The following ESR1 variants were observed in gnomAD, a reference collection of about 807,000 sequenced individuals.
The protein encoded by ESR1 is estrogen receptor 1.
Under a neutral mutation model 52.7 loss-of-function variants are expected in ESR1, and 12 were observed. That is an observed-to-expected ratio of 0.23 (90% CI 0.15 to 0.37). The LOEUF (loss-of-function observed/expected upper bound fraction) is 0.37. Among genes scored for constraint, ESR1 ranks in the 10% least tolerant of loss-of-function variants. The probability of loss-of-function intolerance (pLI) is 1.00; values close to 1 mark genes in which losing one functional copy is unlikely to be tolerated. For missense variants in ESR1, 584 were observed against 779.7 expected, an observed-to-expected ratio of 0.75 and a Z score of 2.99; for synonymous variants, 305 against 316.8, an observed-to-expected ratio of 0.96 and a Z score of 0.39.
intron 1 of ESR1, among the ~76,000 whole-genome samples, chr6:151,836,515 A>G (rs1783355775): frequency 6.6e-6 from 1 of 152,212 alleles, no homozygotes. Flanking sequence ...CCCAGGACAC[A>G]TGGAATTATG....
At chr6:152,064,140 C>T (rs1158423043) in intron 6 of ESR1, among the ~76,000 whole-genome samples, 1 of 152,232 alleles carries the variant, frequency 6.6e-6, no homozygotes, top group Non-Finnish European at 1.5e-5. Flanking sequence ...TTCCACTCCA[C>T]ACCAAAGGAC....
intron 4 of ESR1, among the ~76,000 whole-genome samples, chr6:151,993,156 T>G (rs757902473): frequency 7.9e-5 from 12 of 152,196 alleles, no homozygotes; most frequent in Non-Finnish European, 1.3e-4. Flanking sequence ...TTAGGCCATC[T>G]GGTTCTTCTG....
At chr6:151,824,322 G>GT (rs1288632351) in intron 1 of ESR1, among the ~76,000 whole-genome samples, 1 of 151,850 alleles carries the variant, frequency 6.6e-6, no homozygotes, top group African/African-American at 2.4e-5. Flanking sequence ...TGGGGTTGTT[G>GT]TTTTTTTTCT....
chr6:152,038,295 G>A (rs542303372), intron 5 of ESR1, among the ~76,000 whole-genome samples: 8 of 152,260 alleles, frequency 5.3e-5, no homozygotes, highest in African/African-American at 1.2e-4. Context: ...CATGGTGCCC[G>A]CCCAGATTGA....
chr6:151,791,328 C>T (rs532215552), intron 2 of ESR1, among the ~76,000 whole-genome samples: 275 of 152,268 alleles, frequency 1.8e-3, no homozygotes, highest in African/African-American at 6.4e-3. Flanking sequence ...GAATAAGTCT[C>T]ACGAGATCTG....
intron 4 of ESR1, among the ~76,000 whole-genome samples, chr6:151,973,984 CT>C (rs1275680822): frequency 6.6e-6 from 1 of 152,136 alleles, no homozygotes; most frequent in African/African-American, 2.4e-5. Context: ...GTATTTTAGC[CT>C]TTGTGAGTAT....
chr6:151,674,642 C>A (rs1268497458), intron 1 of ESR1, among the ~76,000 whole-genome samples: 2 of 152,210 alleles, frequency 1.3e-5, no homozygotes. Context: ...TACACTCCCA[C>A]CAACAGTATA....
intron 1 of ESR1, among the ~76,000 whole-genome samples, chr6:151,671,067 C>T (rs112067753): frequency 3.3e-5 from 5 of 152,084 alleles, no homozygotes; most frequent in South Asian, 4.2e-4. Flanking sequence ...TGCACCTGGC[C>T]GGAAGACAGA....
At position 152,094,268 on chromosome 6, in the gene ESR1, T is replaced by C. The variant is rs189426279; in HGVS notation, c.1370-117T>C. On this transcript the variant is annotated intron_variant, in intron 6 of 7. Transcript: ENST00000206249. This position sits in a 1 kb window ranked among gnomAD's most constrained non-coding sequence, Gnocchi z 4.6. ...AATGGGTCCAGAGCATCCCCATTGC[T>C]AGACTACTGTGCTGAGGAAGGGCAC... The C allele has an allele frequency of 5.0e-4, 442 of 884,782 alleles. 4 individuals carry two copies. Among genetic ancestry groups the C allele is most frequent in the Admixed American group, 4.1e-3 (241 of 59,118 alleles). 54.8% of individuals were successfully genotyped at this position (884,782 alleles called of 1,614,324 possible).
At chr6:151,951,521 T>C (rs1306049083) in intron 4 of ESR1, among the ~76,000 whole-genome samples, 1 of 152,186 alleles carries the variant, frequency 6.6e-6, no homozygotes, top group East Asian at 1.9e-4. Flanking sequence ...CTTGGACATA[T>C]TTAGTAACTT....
chr6:151,808,410 A>G (rs1316711222), intron 1 of ESR1, 46 bp downstream of exon 1: 19 of 305,216 alleles, frequency 6.2e-5, no homozygotes, highest in African/African-American at 3.5e-4. Context: ...CGCGCCCGGC[A>G]GGAGGGAGGG....
chr6:151,958,973 C>CGTGTGTGTGTGTGTGT lies in ESR1; in HGVS notation c.1096+14471_1096+14486dup, dbSNP rs58501088. On this transcript the variant is annotated intron_variant, in intron 4 of 7. Coordinates refer to ENST00000206249, the MANE Select transcript of ESR1 (RefSeq NM_000125.4). ...CTTCCATTGGAAGAGAAAAAGTTTC[C>CGTGTGTGTGTGTGTGT]GTGTGTGTGTGTGTGTGTGTGCGTG... Among the ~76,000 whole-genome samples the CGTGTGTGTGTGTGTGT allele has an allele frequency of 4.3e-3, 636 of 148,840 alleles. 3 individuals are homozygous for CGTGTGTGTGTGTGTGT. Among genetic ancestry groups the CGTGTGTGTGTGTGTGT allele is most frequent in the South Asian group, 0.02 (95 of 4,680 alleles).
At chr6:151,979,563 C>G (rs987387528) in intron 4 of ESR1, among the ~76,000 whole-genome samples, 1 of 152,026 alleles carries the variant, frequency 6.6e-6, no homozygotes, top group East Asian at 1.9e-4. Context: ...CATATAAAAT[C>G]ATATTTTAAT....
intron 2 of ESR1, among the ~76,000 whole-genome samples, chr6:151,746,253 G>T (rs1783475150): frequency 6.6e-6 from 1 of 152,184 alleles, no homozygotes; most frequent in African/African-American, 2.4e-5. Context: ...GATTAGGATT[G>T]CAGGATCAGA....
At chr6:151,803,253 A>C (rs1458503911), upstream of ESR1, among the ~76,000 whole-genome samples, 1 of 152,204 alleles carries the variant, frequency 6.6e-6, no homozygotes. Context: ...GAAGAATTTG[A>C]TAAATGCATG....
intron 5 of ESR1, among the ~76,000 whole-genome samples, chr6:152,039,588 A>C (rs1175860638): frequency 6.6e-6 from 1 of 152,016 alleles, no homozygotes; most frequent in Non-Finnish European, 1.5e-5. Flanking sequence ...AGAAGCACAA[A>C]TTTTACTAGC....
In ESR1 at chr6:151,990,421, A is replaced by G. The variant is rs114511901; in HGVS notation, c.1097-21235A>G. ...TTGTTGTTGGGTGACTCTATTCCACATGGTGATGCAGGGAACCAATCTCCT... is the reference window on the plus strand; with the variant it reads ...TTGTTGTTGGGTGACTCTATTCCACGTGGTGATGCAGGGAACCAATCTCCT... On this transcript the variant is annotated intron_variant, in intron 4 of 7. Transcript: ENST00000206249. 4.3e-3 allele frequency among the ~76,000 whole-genome samples: 660 copies of G among 152,202 alleles called. 5 individuals are homozygous for G. The highest frequency in any genetic ancestry group is 0.015 in the African/African-American group (603 of 41,512).
chr6:151,675,725 T>C (rs1778227705), intron 1 of ESR1, among the ~76,000 whole-genome samples: 1 of 152,230 alleles, frequency 6.6e-6, no homozygotes, highest in South Asian at 2.1e-4. Context: ...CTAAGTTTGA[T>C]CATTTGCTTG....
At chr6:151,990,169 A>C (rs1584686271) in intron 4 of ESR1, among the ~76,000 whole-genome samples, 1 of 152,216 alleles carries the variant, frequency 6.6e-6, no homozygotes, top group Non-Finnish European at 1.5e-5. Context: ...TGTAGTAGAA[A>C]TTATGATTAG....
Sources: allele counts gnomAD v4.1 joint callset (sites outside exome capture counted in the v4.1 genomes callset), GRCh38; gene constraint gnomAD v4.1.1; non-coding constraint Gnocchi (gnomAD v3.1); transcripts MANE v1.5; gene names NCBI Gene and HGNC (gene_info 2026-07-23, HGNC 2026-07-21).